The following FBXL13 variants were observed in gnomAD, a reference collection of about 807,000 sequenced individuals.
FBXL13 encodes the protein F-box and leucine rich repeat protein 13.
FBXL13 carries 67 observed loss-of-function variants against 83.6 expected under a neutral mutation model. The ratio of observed to expected loss-of-function variants is 0.80; its 90% CI spans 0.66 to 0.98. The LOEUF (loss-of-function observed/expected upper bound fraction) is 0.98, where lower values mean the gene tolerates loss of function less well. Among genes scored for constraint, FBXL13 ranks in the 50% least tolerant of loss-of-function variants. FBXL13 has a pLI of 0.00. For synonymous variants in FBXL13, 272 were observed against 299.5 expected, an observed-to-expected ratio of 0.91 and a Z score of 0.95; for missense variants, 822 against 866.5, an observed-to-expected ratio of 0.95 and a Z score of 0.64.
At position 102,874,765 on chromosome 7, in the gene FBXL13, T is replaced by A. The variant is rs901227779; in HGVS notation, c.1635+2702A>T. On this transcript the variant is annotated intron_variant, in intron 16 of 19. Coordinates refer to ENST00000313221, the Ensembl canonical transcript of FBXL13. Reference sequence around the variant, plus strand: ...TATGTTTTGTAGAGATGGGGTTTCATCATGTTACCCAGGCTGGTCTCAAAT... The same window carrying A: ...TATGTTTTGTAGAGATGGGGTTTCAACATGTTACCCAGGCTGGTCTCAAAT... Among the ~76,000 whole-genome samples the A allele has an allele frequency of 2.6e-5, 4 of 152,192 alleles. No individual in the cohort carries two copies. In the East Asian group the frequency reaches 7.7e-4, roughly 29 times the overall value.
intron 11 of FBXL13, among the ~76,000 whole-genome samples, chr7:102,891,507 G>C (rs1474495950): frequency 6.6e-6 from 1 of 152,206 alleles, no homozygotes; most frequent in Non-Finnish European, 1.5e-5. Context: ...GTACAGCACA[G>C]TGCCTGGTGC....
intron 11 of FBXL13, among the ~76,000 whole-genome samples, chr7:102,893,767 CA>C (rs1300370815): frequency 0.06 from 2,880 of 47,912 alleles, 24 homozygotes; most frequent in South Asian, 0.09. Context: ...GACTCTGTCT[CA>C]AAAAAAAAAA....
intron 16 of FBXL13, among the ~76,000 whole-genome samples, chr7:102,870,575 C>T (rs770065889): frequency 1.3e-5 from 2 of 152,028 alleles, no homozygotes; most frequent in African/African-American, 2.4e-5. Context: ...CGGAAGGAGT[C>T]GCAGACCCAG....
chr7:103,024,609 A>G (rs1033768718), intron 6 of FBXL13, among the ~76,000 whole-genome samples: 2 of 150,650 alleles, frequency 1.3e-5, no homozygotes, highest in Non-Finnish European at 3.0e-5. Flanking sequence ...AGTGTGGGGG[A>G]AAAAAATCTC....
At chr7:103,021,397 C>A (rs1474611024) in intron 6 of FBXL13, among the ~76,000 whole-genome samples, 1 of 152,112 alleles carries the variant, frequency 6.6e-6, no homozygotes, top group Non-Finnish European at 1.5e-5. Flanking sequence ...AAAACCTAGG[C>A]AATACCATTC....
chr7:102,941,774 A>G (rs1821502014), intron 8 of FBXL13, among the ~76,000 whole-genome samples: 1 of 152,120 alleles, frequency 6.6e-6, no homozygotes, highest in Non-Finnish European at 1.5e-5. Context: ...TATAATAGTT[A>G]TTATATGTCC....
chr7:102,963,670 A>G lies in FBXL13; in HGVS notation c.592-5T>C, dbSNP rs1825631416. On this transcript the variant is annotated splice_polypyrimidine_tract_variant and splice_region_variant and intron_variant, in intron 7 of 19. Transcript: ENST00000313221. ...TTTCACTGAGGAAAAATCAATCTAA[A>G]AAGAATAAACAAAATGCATTAAGAA... The G allele has an allele frequency of 6.3e-7, 1 of 1,591,824 alleles. No individual in the cohort carries two copies. The highest frequency in any genetic ancestry group is 8.5e-7 in the Non-Finnish European group (1 of 1,174,142).
intron 2 of FBXL13, among the ~76,000 whole-genome samples, chr7:103,041,333 G>C (rs960713342): frequency 6.6e-6 from 1 of 151,374 alleles, no homozygotes; most frequent in African/African-American, 2.4e-5. Context: ...AGCAATAATA[G>C]CCTACCAACC....
intron 6 of FBXL13, among the ~76,000 whole-genome samples, chr7:102,995,783 CTAAATAAATAAA>C (rs59828511): frequency 2.0e-3 from 287 of 142,656 alleles, no homozygotes; most frequent in Middle Eastern, 7.1e-3. Flanking sequence ...AAGACTCTGT[CTAAATAAATAAA>C]TAAATAAATA....
At chr7:102,880,255 C>T (rs570300695) in intron 14 of FBXL13, among the ~76,000 whole-genome samples, 19 of 152,212 alleles carry the variant, frequency 1.2e-4, no homozygotes, top group African/African-American at 4.6e-4. Flanking sequence ...TTTAACTACC[C>T]AACTTACTAT....
intron 6 of FBXL13, among the ~76,000 whole-genome samples, chr7:103,011,463 C>T (rs941905448): frequency 1.3e-5 from 2 of 151,784 alleles, no homozygotes; most frequent in African/African-American, 4.8e-5. Flanking sequence ...GGTGAAACCC[C>T]ATCTCTACTA....
chr7:102,991,120 G>C (rs1253508373), intron 6 of FBXL13, among the ~76,000 whole-genome samples: 2 of 152,176 alleles, frequency 1.3e-5, no homozygotes, highest in African/African-American at 4.8e-5. Context: ...TAGACAATGA[G>C]TGCCAGAGAG....
At chr7:102,971,117 A>T (rs1444024668) in intron 6 of FBXL13, among the ~76,000 whole-genome samples, 2 of 152,238 alleles carry the variant, frequency 1.3e-5, no homozygotes, top group Non-Finnish European at 2.9e-5. Flanking sequence ...CAGGAAAATG[A>T]AAATATATCA....
intron 16 of FBXL13, among the ~76,000 whole-genome samples, chr7:102,862,091 TC>T (rs1260294640): frequency 2.0e-5 from 3 of 151,880 alleles, no homozygotes; most frequent in Non-Finnish European, 2.9e-5. Flanking sequence ...ACGCCTGTAA[TC>T]CCAGCACTTT....
intron 10 of FBXL13, among the ~76,000 whole-genome samples, chr7:102,914,666 A>G (rs1451557966): frequency 6.6e-6 from 1 of 152,238 alleles, no homozygotes; most frequent in Non-Finnish European, 1.5e-5. Context: ...TTGATTCAGA[A>G]CACACATCCC....
intron 14 of FBXL13, among the ~76,000 whole-genome samples, chr7:102,879,439 A>ATG (rs139051886): frequency 0.14 from 20,485 of 144,668 alleles, 1,489 homozygotes; most frequent in Non-Finnish European, 0.17. Context: ...GCAGTTAAGG[A>ATG]TGTGTGTGTG....
rs561850524 is a variant in FBXL13, at chr7:102,867,019, G to A, written c.1635+10448C>T. ...ATACAAAGAAGGAGATCCTAAGCCT[G>A]CCCAGAAATTCTAGGAAAGCTTCCC... On this transcript the variant is annotated intron_variant, in intron 16 of 19. Coordinates refer to ENST00000313221, the Ensembl canonical transcript of FBXL13. 3.7e-4 allele frequency among the ~76,000 whole-genome samples: 56 copies of A among 152,278 alleles called. 1 individual carries two copies. The highest frequency in any genetic ancestry group is 2.0e-3 in the Admixed American group (30 of 15,292).
At position 102,964,069 on chromosome 7, in the gene FBXL13, G is replaced by A. The variant is rs149980827; in HGVS notation, c.592-404C>T. 2.9e-4 allele frequency among the ~76,000 whole-genome samples: 44 copies of A among 152,276 alleles called. 2 individuals carry two copies. The East Asian group carries it at 7.9e-3, about 28-fold the overall frequency. On this transcript the variant is annotated intron_variant, in intron 7 of 19. Transcript: ENST00000313221. ...CTCATGCCTGTAATCCCAGCACCTT[G>A]GGAGGCCAAAGCGGGCGGATCACTT...
rs150114318 is a variant in FBXL13 at position 103,002,085 on chromosome 7, T to C, written c.495+22978A>G. Among the ~76,000 whole-genome samples, 15 of 152,278 alleles carry C rather than the reference T, an allele frequency of 9.9e-5. No homozygotes were observed. In the East Asian group the frequency reaches 2.9e-3, roughly 29 times the overall value. On this transcript the variant is annotated intron_variant, in intron 6 of 19. Coordinates refer to ENST00000313221, the Ensembl canonical transcript of FBXL13. ...AAACTCCTCTCCTTTCTTCCTTTTT[T>C]ACTGTCTTCCTTTGTGCTTTGTCTG...
Sources: gnomAD v4.1 joint callset for allele counts (sites outside exome capture counted in the v4.1 genomes callset) on GRCh38, gnomAD v4.1.1 for gene constraint, MANE v1.5 for transcripts, NCBI Gene and HGNC (gene_info 2026-07-23, HGNC 2026-07-21) for gene names.